PSD2: variants seen among roughly 807,000 people sequenced by gnomAD.
The protein encoded by PSD2 is PH and SEC7 domain-containing protein 2.
A neutral mutation model predicts 69.8 loss-of-function variants in PSD2; 38 were observed. That is an observed-to-expected ratio of 0.54 (90% CI 0.42 to 0.71). The LOEUF (loss-of-function observed/expected upper bound fraction) is 0.71, where lower values mean the gene tolerates loss of function less well. Among genes scored for constraint, PSD2 ranks in the 30% least tolerant of loss-of-function variants. The pLI, the probability that PSD2 is intolerant of heterozygous loss-of-function variation, is 0.00. For missense variants in PSD2, 943 were observed against 1,014.5 expected (o/e 0.93, Z 0.96); for synonymous variants, 412 against 423.0 (o/e 0.97, Z 0.32).
upstream of PSD2, among the ~76,000 whole-genome samples, chr5:139,794,137 G>A (rs571151012): frequency 6.6e-5 from 10 of 152,314 alleles, no homozygotes; most frequent in African/African-American, 2.4e-4. Context: ...TCTGGGCTCT[G>A]CGGTAATGTC....
the PSD2 span, among the ~76,000 whole-genome samples, chr5:139,750,393 C>T: frequency 8.5e-5 from 13 of 152,292 alleles, no homozygotes; most frequent in South Asian, 2.7e-3. Context: ...GCCCAGCCTC[C>T]ACCAGCCCTG....
chr5:139,823,342 C>T (rs1000182291), intron 7 of PSD2, among the ~76,000 whole-genome samples: 2 of 152,134 alleles, frequency 1.3e-5, no homozygotes, highest in African/African-American at 4.8e-5. Context: ...GTGTGCATGC[C>T]CTGTGTGCCG....
At chr5:139,825,327 G>A (rs1760389179) in intron 7 of PSD2, among the ~76,000 whole-genome samples, 1 of 152,246 alleles carries the variant, frequency 6.6e-6, no homozygotes. Context: ...TTTTCACCTT[G>A]TGGCTGTTGG....
intron 7 of PSD2, among the ~76,000 whole-genome samples, chr5:139,827,125 C>T (rs1259940860): frequency 6.6e-6 from 1 of 152,220 alleles, no homozygotes; most frequent in African/African-American, 2.4e-5. Context: ...CAGGGCCTAG[C>T]CCTGGGCTAG....
At chr5:139,795,595 G>T (rs1448457762), upstream of PSD2, among the ~76,000 whole-genome samples, 1 of 152,018 alleles carries the variant, frequency 6.6e-6, no homozygotes, top group African/African-American at 2.4e-5. The surrounding 1 kb of genome is among the most constrained non-coding windows in gnomAD (Gnocchi z 4.5). Context: ...GGCCCGCGCG[G>T]GGCAGAGGGG....
In PSD2 at chr5:139,839,799, TG is replaced by T. The variant is rs995386505; in HGVS notation, c.1969-222del. On this transcript the variant is annotated intron_variant, in intron 13 of 14. Transcript: ENST00000274710. The surrounding 1 kb of genome is among the most constrained non-coding windows in gnomAD (Gnocchi z 5.1). ...TCTCCCAAGCCTGCGGTGGGGTGGC[TG>T]GGGGGCATCGAGGAAAGCTGATGCT... Among the ~76,000 whole-genome samples, 2 of 151,558 alleles carry T rather than the reference TG, an allele frequency of 1.3e-5. No individual in the cohort carries two copies. The highest frequency in any genetic ancestry group is 2.4e-5 in the African/African-American group (1 of 41,184).
chr5:139,784,274 C>A, the PSD2 span, among the ~76,000 whole-genome samples: 12 of 151,972 alleles, frequency 7.9e-5, no homozygotes, highest in African/African-American at 1.7e-4. Flanking sequence ...CCTCAGGGGT[C>A]CATTCTTGGT....
upstream of PSD2, among the ~76,000 whole-genome samples, chr5:139,793,129 A>AG (rs1259946535): frequency 1.3e-5 from 2 of 151,678 alleles, no homozygotes; most frequent in Admixed American, 1.3e-4. Flanking sequence ...TTTAGTAGAG[A>AG]GGGGGGTTTC....
In PSD2 at chr5:139,837,638, C is replaced by T; in HGVS notation, c.1679C>T (p.Pro560Leu). ...ILYLQKDEYRPDKALSEGDLK... is the reference protein window; with the variant it reads ...ILYLQKDEYRLDKALSEGDLK... ...TGCCCCACCCAGGATGAGTACAGGC[C>T]TGACAAAGCTCTATCGGAGGGTGAC... The change falls in exon 12 of 15, where the codon CCT becomes CTT. Residue 560 changes from proline to leucine, a missense_variant. By Grantham distance (98) the Pro-to-Leu change is moderately conservative. Around this residue, in one of 3 missense-constraint regions of PSD2, gnomAD observed 312 missense variants for 400.7 expected, o/e 0.78. Transcript: ENST00000274710. The surrounding 1 kb of genome is among the most constrained non-coding windows in gnomAD (Gnocchi z 5.0). 1 of 1,611,318 alleles carries T rather than the reference C, an allele frequency of 6.2e-7. No homozygotes were observed. Among genetic ancestry groups the T allele is most frequent in the Non-Finnish European group, 8.5e-7 (1 of 1,178,046 alleles).
intron 1 of PSD2, among the ~76,000 whole-genome samples, chr5:139,799,653 G>T (rs555448739): frequency 6.6e-6 from 1 of 152,280 alleles, no homozygotes; most frequent in East Asian, 1.9e-4. Flanking sequence ...AAAGAGACCA[G>T]CCAGGAGGCT....
At chr5:139,789,989 G>GGGGCC in the PSD2 span, among the ~76,000 whole-genome samples, 61 of 150,740 alleles carry the variant, frequency 4.0e-4, 1 homozygote, top group Middle Eastern at 0.014. Context: ...AGAGCAGCAC[G>GGGGCC]GGGCCGGGCG....
At chr5:139,806,625 C>A (rs1759813671) in intron 1 of PSD2, among the ~76,000 whole-genome samples, 1 of 152,162 alleles carries the variant, frequency 6.6e-6, no homozygotes, top group Non-Finnish European at 1.5e-5. Flanking sequence ...TTCCCACTGG[C>A]CCTGGGGGAG....
chr5:139,830,141 C>A (rs1760536474), intron 7 of PSD2, among the ~76,000 whole-genome samples: 1 of 150,928 alleles, frequency 6.6e-6, no homozygotes, highest in South Asian at 2.1e-4. Flanking sequence ...GCATTTTTTT[C>A]ATGTACTTTT....
intron 5 of PSD2, among the ~76,000 whole-genome samples, chr5:139,817,975 G>T (rs1452138957): frequency 6.6e-6 from 1 of 152,206 alleles, no homozygotes; most frequent in Admixed American, 6.5e-5. Context: ...GTCATCGAAG[G>T]AGGAGATGGT....
the PSD2 span, chr5:139,746,145 ATATC>A: frequency 2.6e-5 from 4 of 152,140 alleles, no homozygotes; most frequent in African/African-American, 9.7e-5. This position sits in a 1 kb window ranked among gnomAD's most constrained non-coding sequence, Gnocchi z 4.5. Context: ...GGACAAAACT[ATATC>A]TAAGCTCCCC....
At chr5:139,809,042 G>A (rs1759882136) in intron 1 of PSD2, among the ~76,000 whole-genome samples, 1 of 152,230 alleles carries the variant, frequency 6.6e-6, no homozygotes, top group Non-Finnish European at 1.5e-5. Context: ...AGCGGGAATG[G>A]GAGGGGGCCC....
At chr5:139,781,183 G>A in the PSD2 span, among the ~76,000 whole-genome samples, 2 of 152,314 alleles carry the variant, frequency 1.3e-5, no homozygotes, top group African/African-American at 4.8e-5. Context: ...AGGGCCAAGG[G>A]TGGAGCCTCT....
chr5:139,818,383 A>G (rs1760177581), intron 5 of PSD2, among the ~76,000 whole-genome samples: 1 of 152,072 alleles, frequency 6.6e-6, no homozygotes, highest in South Asian at 2.1e-4. Context: ...AGTCTCTACA[A>G]AAAAGTAGAA....
intron 3 of PSD2, 87 bp downstream of exon 3, chr5:139,813,845 T>A: frequency 1.7e-6 from 2 of 1,167,892 alleles, no homozygotes; most frequent in South Asian, 1.6e-5. Context: ...GGTGACTCAG[T>A]GTCCAGAGTC....
Sources: gnomAD v4.1 joint callset for allele counts (sites outside exome capture counted in the v4.1 genomes callset) on GRCh38, gnomAD v4.1.1 for gene constraint, gnomAD v4.1.1 regional missense constraint, Gnocchi (gnomAD v3.1) non-coding constraint, MANE v1.5 for transcripts, NCBI Gene and HGNC (gene_info 2026-07-23, HGNC 2026-07-21) for gene names.